The following ZKSCAN1 variants were observed in gnomAD, a reference collection of about 807,000 sequenced individuals.
The protein encoded by ZKSCAN1 is zinc finger with KRAB and SCAN domains 1.
In ZKSCAN1, 14 loss-of-function variants were observed where a neutral mutation model predicts 51.6. The ratio of observed to expected loss-of-function variants is 0.27; its 90% CI spans 0.18 to 0.42. The LOEUF is 0.42. Ranked by LOEUF, ZKSCAN1 falls within the 10% of genes least tolerant of loss-of-function variation. The pLI, the probability that ZKSCAN1 is intolerant of heterozygous loss-of-function variation, is 1.00. For missense variants in ZKSCAN1, 531 were observed against 710.0 expected, an observed-to-expected ratio of 0.75 and a Z score of 2.86; for synonymous variants, 263 against 261.5, an observed-to-expected ratio of 1.01 and a Z score of -0.06.
chr7:100,032,734 C>A (rs1791161832), intron 5 of ZKSCAN1, among the ~76,000 whole-genome samples: 1 of 151,388 alleles, frequency 6.6e-6, no homozygotes. Context: ...GTAGGCCAGG[C>A]GTGGTGGCTC....
chr7:100,020,060 G>T (rs749236776), intron 1 of ZKSCAN1, among the ~76,000 whole-genome samples: 1 of 152,134 alleles, frequency 6.6e-6, no homozygotes, highest in East Asian at 1.9e-4. Flanking sequence ...ATTGTTATGT[G>T]GTCAAGTGAA....
At chr7:100,044,598 G>A (rs866035544), downstream of ZKSCAN1, among the ~76,000 whole-genome samples, 1 of 150,654 alleles carries the variant, frequency 6.6e-6, no homozygotes, top group Non-Finnish European at 1.5e-5. Flanking sequence ...GGAGAATGGC[G>A]TGAACCCGGG....
rs1457070373 is a variant in ZKSCAN1 at position 100,038,531 on chromosome 7, G to A, written c.*4334G>A. ...CAAGAAGTTGACCTCTGAGCTGTCA[G>A]GTGACCACTGTGTGCAAAGGGGATG... is the stretch of plus-strand genomic sequence containing the variant. On this transcript the variant is annotated 3_prime_UTR_variant, in exon 6 of 6. Transcript: ENST00000324306. 1 of 985,354 alleles carries A rather than the reference G, an allele frequency of 1.0e-6. No individual in the cohort carries two copies. The highest frequency in any genetic ancestry group is 1.2e-6 in the Non-Finnish European group (1 of 829,966). 61.0% of individuals were successfully genotyped at this position (985,354 alleles called of 1,614,324 possible).
chr7:100,024,060 C>A, intron 2 of ZKSCAN1, 94 bp from the exon 3 acceptor site: 1 of 1,527,308 alleles, frequency 6.5e-7, no homozygotes, highest in Non-Finnish European at 8.8e-7. Flanking sequence ...GGCTTTCTTC[C>A]TGCATCCACT....
At chr7:100,018,061 A>G (rs572181196) in intron 1 of ZKSCAN1, among the ~76,000 whole-genome samples, 72 of 152,298 alleles carry the variant, frequency 4.7e-4, no homozygotes, top group African/African-American at 1.7e-3. Flanking sequence ...CTATGGGACA[A>G]ATGCTGATTT....
intron 1 of ZKSCAN1, among the ~76,000 whole-genome samples, chr7:100,020,892 A>G (rs897653785): frequency 2.0e-5 from 3 of 152,310 alleles, no homozygotes; most frequent in African/African-American, 7.2e-5. Context: ...TTGTAGCTTC[A>G]GATGGAAGAA....
rs1791213066 is a variant in ZKSCAN1 at position 100,033,610 on chromosome 7, G to T, written c.1105G>T (p.Glu369Ter). 6.2e-7 allele frequency: 1 copy of T among 1,614,116 alleles called. No individual in the cohort carries two copies. Among genetic ancestry groups the T allele is most frequent in the Admixed American group, 1.7e-5 (1 of 60,000 alleles). Residue 369 changes from glutamate to a stop codon, truncating the protein, a stop_gained, in exon 6 of 6, where the codon GAA (glutamate) becomes TAA (stop). Coordinates refer to ENST00000324306, the MANE Select transcript of ZKSCAN1 (RefSeq NM_003439.4). LOFTEE classifies it high-confidence loss of function. The surrounding 1 kb of genome is among the most constrained non-coding windows in gnomAD (Gnocchi z 4.1). ...GAGCTCCAACTTCACCACCCCTGAA[G>T]AAGTTCCCACGGGAACAAAGTCTCA... Reference protein sequence around the residue: ...SLSSNFTTPEEVPTGTKSHRC... With the variant: ...SLSSNFTTPE
At chr7:100,018,043 C>T (rs1439836005) in intron 1 of ZKSCAN1, among the ~76,000 whole-genome samples, 5 of 152,320 alleles carry the variant, frequency 3.3e-5, no homozygotes, top group East Asian at 3.9e-4. Context: ...TTAATCCTCA[C>T]GGCAACTCTA....
chr7:100,025,239 C>T (rs1790774501), intron 3 of ZKSCAN1, among the ~76,000 whole-genome samples: 1 of 144,420 alleles, frequency 6.9e-6, no homozygotes, highest in African/African-American at 2.6e-5. Context: ...GATCATAAAT[C>T]TTTTTTAAAG....
At chr7:100,016,888 T>C (rs1463358221) in intron 1 of ZKSCAN1, 1 of 152,230 alleles carries the variant, frequency 6.6e-6, no homozygotes. Context: ...ATCGCTGTTT[T>C]ACATAGGAAA....
At chr7:100,018,609 G>A (rs183756513) in intron 1 of ZKSCAN1, among the ~76,000 whole-genome samples, 2 of 152,090 alleles carry the variant, frequency 1.3e-5, no homozygotes, top group Admixed American at 1.3e-4. Context: ...GGATGGTCTC[G>A]ATCTCCTCAC....
rs759766571 is a variant in ZKSCAN1, at chr7:100,029,918, C to T, written c.638C>T (p.Ala213Val). The change falls in exon 4 of 6, where the codon GCG becomes GTG. Residue 213 changes from alanine to valine, a missense_variant. Ala to Val is a moderately conservative substitution (Grantham distance 64). Around this residue, in one of 2 missense-constraint regions of ZKSCAN1, gnomAD observed 403 missense variants for 490.5 expected, o/e 0.82. Coordinates refer to ENST00000324306, the MANE Select transcript of ZKSCAN1 (RefSeq NM_003439.4). ...PPHEGSPRDQ[A>V]MASALFTADS... ...CATGAGGGTAGTCCCAGAGACCAGG[C>T]GATGGCATCTGCACTATTCACAGCG... The T allele has an allele frequency of 5.6e-6, 9 of 1,614,190 alleles. No homozygotes were observed. The highest frequency in any genetic ancestry group is 2.2e-5 in the East Asian group (1 of 44,886).
chr7:100,024,051 G>C, intron 2 of ZKSCAN1, 103 bp from the exon 3 acceptor site: 1 of 1,523,976 alleles, frequency 6.6e-7, no homozygotes, highest in Admixed American at 2.2e-5. Context: ...AAATGTTCTG[G>C]CTTTCTTCCT....
rs1381652670 is a variant in ZKSCAN1 at position 100,033,882 on chromosome 7, A to G, written c.1377A>G (p.Lys459=). The change falls in exon 6 of 6, where the codon AAA becomes AAG. Residue 459 remains lysine (K), a synonymous_variant. Transcript: ENST00000324306. This position sits in a 1 kb window ranked among gnomAD's most constrained non-coding sequence, Gnocchi z 4.1. The part of the protein sequence containing the change: ...ILHQRIHSGE[K]PYECNECGKA... ...ATCAGCGCATCCACTCTGGAGAGAA[A>G]CCTTATGAATGTAATGAGTGCGGGA... The G allele has an allele frequency of 7.4e-6, 12 of 1,614,174 alleles. No individual in the cohort carries two copies. The highest frequency in any genetic ancestry group is 2.2e-5 in the East Asian group (1 of 44,880).
chr7:100,034,263 C>A lies in ZKSCAN1; in HGVS notation c.*66C>A. On this transcript the variant is annotated 3_prime_UTR_variant, in exon 6 of 6. Transcript: ENST00000324306. ...TAAAATTATTTCAGAGATGTGTGCT[C>A]CTGGAGGGAAAAAGAAATACAGCCT... is the stretch of plus-strand genomic sequence containing the variant. The A allele has an allele frequency of 6.7e-7, 1 of 1,496,786 alleles. No homozygotes were observed. The highest frequency in any genetic ancestry group is 8.8e-7 in the Non-Finnish European group (1 of 1,132,372). 92.7% of individuals were successfully genotyped at this position (1,496,786 alleles called of 1,614,324 possible). A position where few individuals can be genotyped will look rare whatever the true frequency, so the allele number is the denominator to read the frequency against.
chr7:100,020,808 G>A (rs996369204), intron 1 of ZKSCAN1, among the ~76,000 whole-genome samples: 2 of 152,144 alleles, frequency 1.3e-5, no homozygotes. Flanking sequence ...CAGTTTAATG[G>A]TCTGTTTCTA....
intron 1 of ZKSCAN1, among the ~76,000 whole-genome samples, chr7:100,022,284 AC>A (rs1405800338): frequency 4.6e-5 from 7 of 152,120 alleles, no homozygotes; most frequent in Non-Finnish European, 1.0e-4. Flanking sequence ...CGATCTCCTG[AC>A]CTCGTGATCC....
Position 100,034,849 on chromosome 7 carries a change from A to T in ZKSCAN1, c.*652A>T, listed in dbSNP as rs1791279545. On this transcript the variant is annotated 3_prime_UTR_variant, in exon 6 of 6. Coordinates refer to ENST00000324306, the MANE Select transcript of ZKSCAN1 (RefSeq NM_003439.4). ...AGTTCCAAAGGACTGCAACAAATGT[A>T]GATGGTTCTGTCCTCATCCCTGAGA... 1 of 152,878 alleles carries T rather than the reference A, an allele frequency of 6.5e-6. No individual in the cohort carries two copies. The highest frequency in any genetic ancestry group is 1.5e-5 in the Non-Finnish European group (1 of 68,246). 9.5% of individuals were successfully genotyped at this position (152,878 alleles called of 1,614,324 possible). A position where few individuals can be genotyped will look rare whatever the true frequency, so the allele number is the denominator to read the frequency against.
intron 5 of ZKSCAN1, 62 bp downstream of exon 5, chr7:100,030,437 G>C: frequency 6.4e-7 from 1 of 1,560,102 alleles, no homozygotes; most frequent in Non-Finnish European, 8.7e-7. Flanking sequence ...TGTTAGCTGT[G>C]GGATCTCTGA....
Sources: gnomAD v4.1 joint callset for allele counts (sites outside exome capture counted in the v4.1 genomes callset) on GRCh38, gnomAD v4.1.1 for gene constraint, gnomAD v4.1.1 regional missense constraint, Gnocchi (gnomAD v3.1) non-coding constraint, MANE v1.5 for transcripts, NCBI Gene and HGNC (gene_info 2026-07-23, HGNC 2026-07-21) for gene names.